The following MECR variants were observed in gnomAD, a reference collection of about 807,000 sequenced individuals.
MECR encodes enoyl-[acyl-carrier-protein] reductase, mitochondrial.
MECR carries 37 observed loss-of-function variants against 49.1 expected under a neutral mutation model. The observed-to-expected ratio is 0.75, with a 90% CI of 0.58 to 0.99. MECR has a LOEUF of 0.99. MECR is among the 50% of genes least tolerant of loss of function. The pLI is 0.00. For synonymous variants in MECR, 198 were observed against 191.1 expected, an observed-to-expected ratio of 1.04 and a Z score of -0.30; for missense variants, 470 against 479.6, an observed-to-expected ratio of 0.98 and a Z score of 0.19.
the MECR span, among the ~76,000 whole-genome samples, chr1:29,175,787 TAAAGAG>T: frequency 6.8e-6 from 1 of 147,304 alleles, no homozygotes; most frequent in Non-Finnish European, 1.5e-5. Flanking sequence ...TAACTATACA[TAAAGAG>T]AGTTATTCAA....
chr1:29,175,574 A>G, the MECR span, among the ~76,000 whole-genome samples: 1 of 149,632 alleles, frequency 6.7e-6, no homozygotes, highest in Non-Finnish European at 1.5e-5. Context: ...GGGCTCCTGT[A>G]GTCCCAGCTA....
At chr1:29,220,140 T>A (rs986557496) in intron 1 of MECR, among the ~76,000 whole-genome samples, 5 of 151,082 alleles carry the variant, frequency 3.3e-5, no homozygotes, top group Non-Finnish European at 4.4e-5. Flanking sequence ...CCTGTAATCC[T>A]GGCACTTTGG....
chr1:29,192,452 C>A (rs1385012487), downstream of MECR, among the ~76,000 whole-genome samples: 2 of 152,156 alleles, frequency 1.3e-5, no homozygotes, highest in Admixed American at 6.5e-5. Context: ...CCTCTCAAGG[C>A]CCTCTGAACA....
chr1:29,191,005 T>C (rs1558398508), downstream of MECR, among the ~76,000 whole-genome samples: 2 of 152,172 alleles, frequency 1.3e-5, no homozygotes, highest in Non-Finnish European at 2.9e-5. Flanking sequence ...ATAAATACCC[T>C]GTCTCTGTAA....
intron 3 of MECR, among the ~76,000 whole-genome samples, chr1:29,212,493 C>T (rs892438219): frequency 6.6e-5 from 10 of 152,210 alleles, no homozygotes; most frequent in African/African-American, 2.2e-4. Context: ...CCCACCACCA[C>T]ATGTACAATT....
chr1:29,185,889 T>TG, the MECR span, among the ~76,000 whole-genome samples: 4 of 151,986 alleles, frequency 2.6e-5, no homozygotes, highest in Admixed American at 1.3e-4. Context: ...GAGGCTGAGA[T>TG]GGGGGGGATC....
At chr1:29,184,482 G>A in the MECR span, among the ~76,000 whole-genome samples, 1 of 152,258 alleles carries the variant, frequency 6.6e-6, no homozygotes, top group South Asian at 2.1e-4. Context: ...GGCTGGGTGC[G>A]GTGGTTCACG....
chr1:29,171,211 T>A, the MECR span: 1 of 151,962 alleles, frequency 6.6e-6, no homozygotes, highest in East Asian at 1.9e-4. Flanking sequence ...AGTCTCCAAC[T>A]AAGGACAACA....
intron 7 of MECR, among the ~76,000 whole-genome samples, chr1:29,197,385 C>T (rs1674263277): frequency 6.6e-6 from 1 of 152,236 alleles, no homozygotes; most frequent in South Asian, 2.1e-4. Context: ...GGAACAATGA[C>T]AAGCATCTTC....
intron 1 of MECR, among the ~76,000 whole-genome samples, chr1:29,218,046 G>A (rs1679902708): frequency 6.6e-6 from 1 of 151,458 alleles, no homozygotes; most frequent in African/African-American, 2.4e-5. Context: ...AGTTGCAGTG[G>A]TGGTTTGGAC....
At chr1:29,181,134 C>A in the MECR span, among the ~76,000 whole-genome samples, 79 of 152,346 alleles carry the variant, frequency 5.2e-4, no homozygotes, top group Non-Finnish European at 1.8e-4. Flanking sequence ...CCCAAAAAAG[C>A]GTGGCACACG....
In MECR at chr1:29,193,985, C is replaced by T; in HGVS notation, c.*37G>A. The T allele has an allele frequency of 6.2e-7, 1 of 1,612,702 alleles. No individual in the cohort carries two copies. Among genetic ancestry groups the T allele is most frequent in the Non-Finnish European group, 8.5e-7 (1 of 1,179,624 alleles). On this transcript the variant is annotated 3_prime_UTR_variant, in exon 10 of 10. Coordinates refer to ENST00000263702, the MANE Select transcript of MECR (RefSeq NM_016011.5). Reference sequence around the variant, plus strand: ...GCCTGCACCCAGCCCCTCAGATCCGCCTCCCCTCCCATGTCACTCCAGCTC... The same window carrying T: ...GCCTGCACCCAGCCCCTCAGATCCGTCTCCCCTCCCATGTCACTCCAGCTC...
chr1:29,174,781 C>A, the MECR span, among the ~76,000 whole-genome samples: 1 of 148,922 alleles, frequency 6.7e-6, no homozygotes, highest in South Asian at 2.1e-4. Flanking sequence ...TCAAGCAATT[C>A]TCCTGCCTCA....
the MECR span, among the ~76,000 whole-genome samples, chr1:29,175,694 CAAAAAAA>C: frequency 2.5e-3 from 95 of 38,574 alleles, no homozygotes; most frequent in African/African-American, 0.011. Flanking sequence ...GACGCTGTCT[CAAAAAAA>C]AAAAAAAAAA....
At chr1:29,208,798 CA>C (rs1365424154) in intron 3 of MECR, among the ~76,000 whole-genome samples, 1 of 151,932 alleles carries the variant, frequency 6.6e-6, no homozygotes, top group Admixed American at 6.6e-5. Flanking sequence ...TGGAGTCGAA[CA>C]GGTGAAAAAA....
intron 4 of MECR, among the ~76,000 whole-genome samples, chr1:29,204,552 A>G (rs960408038): frequency 2.7e-4 from 41 of 152,148 alleles, no homozygotes; most frequent in Admixed American, 2.6e-3. Context: ...TTTCCATTAT[A>G]TATATATTCC....
At chr1:29,191,883 G>A (rs920359137), downstream of MECR, among the ~76,000 whole-genome samples, 30 of 152,130 alleles carry the variant, frequency 2.0e-4, no homozygotes, top group African/African-American at 1.9e-4. Context: ...CACGAGGTCA[G>A]GAGTTCAAGA....
chr1:29,207,435 TTCTTA>T (rs1434859988), intron 3 of MECR, among the ~76,000 whole-genome samples: 2 of 151,994 alleles, frequency 1.3e-5, no homozygotes, highest in Admixed American at 1.3e-4. Flanking sequence ...TAGACAGTCA[TTCTTA>T]TCTTAAACAT....
chr1:29,172,090 G>A, the MECR span: 2 of 151,782 alleles, frequency 1.3e-5, no homozygotes, highest in East Asian at 3.9e-4. Context: ...ATATATTGGG[G>A]GAAAAAAATA....
Sources: gnomAD v4.1 joint callset for allele counts (sites outside exome capture counted in the v4.1 genomes callset) on GRCh38, gnomAD v4.1.1 for gene constraint, MANE v1.5 for transcripts, NCBI Gene and HGNC (gene_info 2026-07-23, HGNC 2026-07-21) for gene names.